The following SLC2A13 variants were observed in gnomAD, a reference collection of about 807,000 sequenced individuals.
SLC2A13 encodes proton myo-inositol cotransporter.
In SLC2A13, 32 loss-of-function variants were observed where a neutral mutation model predicts 64.4. The ratio of observed to expected loss-of-function variants is 0.50; its 90% CI spans 0.37 to 0.67. The LOEUF (loss-of-function observed/expected upper bound fraction) is 0.67. Ranked by LOEUF, SLC2A13 falls within the 30% of genes least tolerant of loss-of-function variation. The pLI is 0.00. For missense variants in SLC2A13, 743 were observed against 829.2 expected (o/e 0.90, Z 1.28); for synonymous variants, 338 against 327.1 (o/e 1.03, Z -0.36).
chr12:39,930,594 A>C (rs1945809886), intron 4 of SLC2A13, among the ~76,000 whole-genome samples: 1 of 152,162 alleles, frequency 6.6e-6, no homozygotes, highest in African/African-American at 2.4e-5. Flanking sequence ...AAAAATCTAA[A>C]AGAAGTGCAA....
At chr12:40,024,661 T>C (rs1300548522) in intron 3 of SLC2A13, among the ~76,000 whole-genome samples, 1 of 152,198 alleles carries the variant, frequency 6.6e-6, no homozygotes, top group Non-Finnish European at 1.5e-5. Context: ...CCTTATCCAA[T>C]GAGAATGGAC....
intron 6 of SLC2A13, among the ~76,000 whole-genome samples, chr12:39,861,992 G>A (rs574616503): frequency 6.6e-6 from 1 of 152,200 alleles, no homozygotes; most frequent in East Asian, 1.9e-4. Context: ...ATTAAGCCCC[G>A]CATGCATTAG....
intron 7 of SLC2A13, among the ~76,000 whole-genome samples, chr12:39,768,394 T>G (rs1031955093): frequency 2.0e-5 from 3 of 152,146 alleles, no homozygotes; most frequent in African/African-American, 7.2e-5. Flanking sequence ...AATTTTCTTT[T>G]GTAGTCACAA....
chr12:40,008,123 T>G (rs1331940349), intron 3 of SLC2A13, among the ~76,000 whole-genome samples: 1 of 152,182 alleles, frequency 6.6e-6, no homozygotes, highest in African/African-American at 2.4e-5. Context: ...ATCCAGATTT[T>G]TTAAAATTTT....
chr12:39,789,243 C>T lies in SLC2A13; in HGVS notation c.1446-24385G>A, dbSNP rs141227926. Among the ~76,000 whole-genome samples, 352 of 151,940 alleles carry T rather than the reference C, an allele frequency of 2.3e-3. 1 individual carries two copies. Among genetic ancestry groups the T allele is most frequent in the Admixed American group, 0.019 (290 of 15,242 alleles). ...GTTTTTCTGTATAGGATATTTTCTA[C>T]GCATGTACTCCTAAAAATACATATC... On this transcript the variant is annotated intron_variant, in intron 7 of 9. Transcript: ENST00000280871.
chr12:40,079,474 GTTGGTAGGGTT>G (rs1174185792), intron 1 of SLC2A13, among the ~76,000 whole-genome samples: 1 of 152,202 alleles, frequency 6.6e-6, no homozygotes, highest in Non-Finnish European at 1.5e-5. Flanking sequence ...TGAAAGACTG[GTTGGTAGGGTT>G]TTGTGTTTGT....
At chr12:40,088,451 T>C (rs1938657839) in intron 1 of SLC2A13, among the ~76,000 whole-genome samples, 1 of 152,212 alleles carries the variant, frequency 6.6e-6, no homozygotes, top group African/African-American at 2.4e-5. Context: ...TTTTTTTTAC[T>C]TTTTGAAGCC....
chr12:39,884,714 A>T (rs1241276690), intron 4 of SLC2A13, among the ~76,000 whole-genome samples: 1 of 152,170 alleles, frequency 6.6e-6, no homozygotes, highest in Non-Finnish European at 1.5e-5. Context: ...AGTAAAGGTA[A>T]AGAGCTGCTG....
chr12:39,946,904 G>C (rs1946145112), intron 4 of SLC2A13, among the ~76,000 whole-genome samples: 3 of 152,146 alleles, frequency 2.0e-5, no homozygotes, highest in Non-Finnish European at 4.4e-5. Flanking sequence ...TTGTTACCAA[G>C]TTCAGCTACA....
intron 7 of SLC2A13, among the ~76,000 whole-genome samples, chr12:39,817,193 G>T (rs1453344131): frequency 6.6e-6 from 1 of 152,204 alleles, no homozygotes; most frequent in Non-Finnish European, 1.5e-5. Context: ...TCTCACAGGA[G>T]TACTCAACAA....
intron 3 of SLC2A13, among the ~76,000 whole-genome samples, chr12:39,988,742 A>C (rs1947080827): frequency 6.7e-6 from 1 of 149,728 alleles, no homozygotes; most frequent in African/African-American, 2.5e-5. Flanking sequence ...GGGGAGGAAA[A>C]TGCTGCTAAA....
chr12:39,953,023 C>T (rs565754224), intron 3 of SLC2A13, among the ~76,000 whole-genome samples: 4 of 151,624 alleles, frequency 2.6e-5, no homozygotes, highest in Admixed American at 6.6e-5. Context: ...AAAACAAAAA[C>T]AAACAAAAGC....
rs187967739 is a variant in SLC2A13 at position 39,835,006 on chromosome 12, A to G, written c.1320-4778T>C. 2.5e-3 allele frequency among the ~76,000 whole-genome samples: 383 copies of G among 152,220 alleles called. 1 individual carries two copies. The highest frequency in any genetic ancestry group is 8.6e-3 in the African/African-American group (357 of 41,566). On this transcript the variant is annotated intron_variant, in intron 6 of 9. Transcript: ENST00000280871. ...ATTTTTCACTCAAGATTTGCTCTTT[A>G]AGCCTTTCTTGAACGTGGCCTGATG...
intron 7 of SLC2A13, among the ~76,000 whole-genome samples, chr12:39,805,141 C>G (rs201680864): frequency 8.1e-6 from 1 of 123,998 alleles, no homozygotes; most frequent in East Asian, 2.8e-4. Flanking sequence ...CAAGGGCAGG[C>G]CAGGCCAGGC....
At chr12:40,030,927 C>A (rs572432285) in intron 2 of SLC2A13, among the ~76,000 whole-genome samples, 1 of 152,162 alleles carries the variant, frequency 6.6e-6, no homozygotes, top group African/African-American at 2.4e-5. Flanking sequence ...GAATTTGTAC[C>A]CTCCTGCCAA....
chr12:39,876,550 G>T (rs770743562), intron 4 of SLC2A13, among the ~76,000 whole-genome samples: 9 of 152,016 alleles, frequency 5.9e-5, no homozygotes, highest in Non-Finnish European at 1.2e-4. Context: ...AAAAACACCT[G>T]ATAGACTTAC....
At chr12:39,856,357 G>C (rs2135906447) in intron 6 of SLC2A13, among the ~76,000 whole-genome samples, 1 of 152,058 alleles carries the variant, frequency 6.6e-6, no homozygotes, top group South Asian at 2.1e-4. Flanking sequence ...TCTTTGCTAT[G>C]CTTTATTTTA....
intron 7 of SLC2A13, among the ~76,000 whole-genome samples, chr12:39,821,056 T>A (rs192818774): frequency 6.6e-6 from 1 of 152,236 alleles, no homozygotes; most frequent in East Asian, 1.9e-4. Flanking sequence ...TCATAATTTT[T>A]TACCCTTTCT....
At chr12:40,010,574 TAG>T (rs1452865669) in intron 3 of SLC2A13, among the ~76,000 whole-genome samples, 1 of 152,198 alleles carries the variant, frequency 6.6e-6, no homozygotes, top group Non-Finnish European at 1.5e-5. Context: ...AAATTCAATA[TAG>T]AATCCATCTA....
Sources: gnomAD v4.1 joint callset for allele counts (sites outside exome capture counted in the v4.1 genomes callset) on GRCh38, gnomAD v4.1.1 for gene constraint, MANE v1.5 for transcripts, NCBI Gene and HGNC (gene_info 2026-07-23, HGNC 2026-07-21) for gene names.